The following NBPF9 variants were observed in gnomAD, a reference collection of about 807,000 sequenced individuals.
NBPF9 encodes the protein NBPF family member NBPF9.
Under a neutral mutation model 97.8 loss-of-function variants are expected in NBPF9, and 91 were observed. The observed-to-expected ratio is 0.93, with a 90% CI of 0.79 to 1.11. The LOEUF (loss-of-function observed/expected upper bound fraction) is 1.11, where lower values mean the gene tolerates loss of function less well. Ranked by LOEUF, NBPF9 falls within the 50% of genes least tolerant of loss-of-function variation. The pLI is 0.00. For missense variants in NBPF9, 992 were observed against 939.5 expected (o/e 1.06, Z -0.73); for synonymous variants, 334 against 359.5 (o/e 0.93, Z 0.80).
intron 16 of NBPF9, 140 bp downstream of exon 16, chr1:149,070,794 G>T: frequency 6.8e-7 from 1 of 1,481,226 alleles, no homozygotes; most frequent in South Asian, 1.2e-5. Flanking sequence ...AGCTGAGAAG[G>T]ACAAAAAACT....
exon 4 of NBPF9, chr1:149,098,623 G>C (rs1325070838): frequency 9.0e-6 from 11 of 1,219,128 alleles, no homozygotes; most frequent in Non-Finnish European, 1.1e-5. Context: ...ACACCCTCAG[G>C]AGGACGGTAA....
chr1:149,076,702 G>T (rs587619301), intron 11 of NBPF9, among the ~76,000 whole-genome samples: 30 of 148,186 alleles, frequency 2.0e-4, no homozygotes, highest in African/African-American at 7.1e-4. Context: ...TAAAGACGGG[G>T]TTTCACCGTG....
intron 6 of NBPF9, 26 bp from the exon 7 acceptor site, chr1:149,082,200 G>A: frequency 6.3e-7 from 1 of 1,597,504 alleles, no homozygotes. Flanking sequence ...CCAAACATAT[G>A]ATGGGTTAAA....
chr1:149,064,022 A>ACACACG (rs1385372055), intron 19 of NBPF9, among the ~76,000 whole-genome samples: 1 of 119,356 alleles, frequency 8.4e-6, no homozygotes, highest in Non-Finnish European at 1.8e-5. Flanking sequence ...ACACAGACAC[A>ACACACG]CACACACACA....
chr1:149,070,923 A>G lies in NBPF9; in HGVS notation c.1585+11T>C. 6.2e-7 allele frequency: 1 copy of G among 1,612,170 alleles called. No homozygotes were observed. The highest frequency in any genetic ancestry group is 8.5e-7 in the Non-Finnish European group (1 of 1,179,800). On this transcript the variant is annotated intron_variant, in intron 16 of 29. Coordinates refer to ENST00000584027, the Ensembl canonical transcript of NBPF9. Reference sequence around the variant, plus strand: ...GAGAGAGGTATGAGACACAAGGAAAACAGAGGCTACCTGGAATAATGTGTA... The same window carrying G: ...GAGAGAGGTATGAGACACAAGGAAAGCAGAGGCTACCTGGAATAATGTGTA...
exon 14 of NBPF9, chr1:149,072,791 C>A: frequency 6.3e-7 from 1 of 1,582,708 alleles, no homozygotes; most frequent in South Asian, 1.1e-5. Flanking sequence ...GGTCCTGCCC[C>A]TGGGACTTGT....
intron 15 of NBPF9, 133 bp downstream of exon 15, chr1:149,071,471 T>C (rs2079405056): frequency 4.1e-6 from 5 of 1,209,176 alleles, no homozygotes; most frequent in Non-Finnish European, 6.0e-6. Flanking sequence ...GTGTCTAAGC[T>C]GGGTTCAATT....
chr1:149,087,639 G>C (rs372376732), intron 5 of NBPF9, among the ~76,000 whole-genome samples: 2 of 150,256 alleles, frequency 1.3e-5, no homozygotes, highest in Admixed American at 6.6e-5. Flanking sequence ...CAAAATGCCG[G>C]TTGGAATTTT....
intron 11 of NBPF9, among the ~76,000 whole-genome samples, chr1:149,076,552 G>C (rs1404666446): frequency 2.7e-5 from 4 of 149,224 alleles, no homozygotes; most frequent in Non-Finnish European, 6.0e-5. Context: ...TCCCAGGCTG[G>C]AGTGCAGTGG....
In NBPF9 at chr1:149,064,287, G is replaced by A. The variant is rs587654411; in HGVS notation, c.1853+144C>T. The A allele has an allele frequency of 8.7e-4, 636 of 728,864 alleles. 2 individuals are homozygous for A. The highest frequency in any genetic ancestry group is 5.1e-3 in the Middle Eastern group (13 of 2,540). 45.1% of individuals were successfully genotyped at this position (728,864 alleles called of 1,614,324 possible). On this transcript the variant is annotated intron_variant, in intron 19 of 29. Coordinates refer to ENST00000584027, the Ensembl canonical transcript of NBPF9. ...TGGAAACCTAAACATTTACTCTAAT[G>A]AGAACCAAAAAGCAATGTAGTAGGC... is the stretch of plus-strand genomic sequence containing the variant.
In NBPF9 at chr1:149,056,358, C is replaced by T. The variant is rs1216669522; in HGVS notation, c.3092+154G>A. ...GATAAGGGGAGGAAGAAATGGAAACCTAAACATCTACTGCAATGAAAACCA... is the reference window on the plus strand; with the variant it reads ...GATAAGGGGAGGAAGAAATGGAAACTTAAACATCTACTGCAATGAAAACCA... On this transcript the variant is annotated intron_variant, in intron 29 of 29. Coordinates refer to ENST00000584027, the Ensembl canonical transcript of NBPF9. 2.6e-4 allele frequency among the ~76,000 whole-genome samples: 24 copies of T among 93,558 alleles called. No homozygotes were observed. The Admixed American group carries it at 2.9e-3, about 11-fold the overall frequency. 61.4% of individuals were successfully genotyped at this position (93,558 alleles called of 152,430 possible). A position where few individuals can be genotyped will look rare whatever the true frequency, so the allele number is the denominator to read the frequency against.
Position 149,082,343 on chromosome 1 carries a change from G to T in NBPF9, c.-107C>A. On this transcript the variant is annotated 5_prime_UTR_variant, in exon 6 of 30. Transcript: ENST00000584027. ...CTTCACCACAAAAACAAGGTTTGAGGTGCCTCAACTCAGAGCTGAAAGCAC... is the reference window on the plus strand; with the variant it reads ...CTTCACCACAAAAACAAGGTTTGAGTTGCCTCAACTCAGAGCTGAAAGCAC... 3.3e-6 allele frequency: 5 copies of T among 1,535,954 alleles called. No homozygotes were observed. The South Asian group carries it at 5.9e-5, about 18-fold the overall frequency.
chr1:149,079,573 C>T (rs1464968917), intron 8 of NBPF9, among the ~76,000 whole-genome samples: 1 of 148,090 alleles, frequency 6.8e-6, no homozygotes, highest in Admixed American at 6.9e-5. Flanking sequence ...CTTGCGGCCA[C>T]TAGATACAAA....
chr1:149,073,697 C>A (rs1198979645), intron 13 of NBPF9, 71 bp downstream of exon 13: 1 of 1,225,606 alleles, frequency 8.2e-7, no homozygotes, highest in Non-Finnish European at 1.2e-6. Context: ...TCTTACGTCT[C>A]CCCACCGAGC....
rs371571074 is a variant in NBPF9, at chr1:149,074,851, G to A, written c.988+804C>T. Among the ~76,000 whole-genome samples the A allele has an allele frequency of 2.7e-4, 40 of 150,838 alleles. 1 individual carries two copies. Among genetic ancestry groups the A allele is most frequent in the Middle Eastern group, 3.4e-3 (1 of 290 alleles). On this transcript the variant is annotated intron_variant, in intron 12 of 29. Transcript: ENST00000584027. ...TTATTTTTACCAGTCTTGCCCTGTC[G>A]CCCAGGCTGGAGTGCAATGGCAAAA...
At chr1:149,099,397 G>C (rs480742) in intron 3 of NBPF9, among the ~76,000 whole-genome samples, 9 of 151,898 alleles carry the variant, frequency 5.9e-5, no homozygotes, top group Admixed American at 2.0e-4. Context: ...TTATTTGTTA[G>C]ATGGTGAAAA....
At chr1:149,071,871 G>T (rs1365559648) in intron 14 of NBPF9, among the ~76,000 whole-genome samples, 195 bp from the exon 15 acceptor site, 2 of 151,666 alleles carry the variant, frequency 1.3e-5, no homozygotes, top group East Asian at 3.9e-4. Context: ...GATCTGGAGG[G>T]CCACCATCAA....
At position 149,081,013 on chromosome 1, in the gene NBPF9, C is replaced by A. The variant is rs1429453597; in HGVS notation, c.176-858G>T. On this transcript the variant is annotated intron_variant, in intron 7 of 29. Transcript: ENST00000584027. ...CTGCACTGCTGCTTCCACACATTCT[C>A]GGGTGTGATCTTTCTTCCTCTTTAG... Among the ~76,000 whole-genome samples the A allele has an allele frequency of 2.6e-5, 4 of 151,916 alleles. No individual in the cohort carries two copies. In the East Asian group the frequency reaches 7.8e-4, roughly 29 times the overall value.
At chr1:149,070,775 C>T (rs1194526868) in intron 16 of NBPF9, among the ~76,000 whole-genome samples, 159 bp downstream of exon 16, 1 of 152,098 alleles carries the variant, frequency 6.6e-6, no homozygotes, top group Non-Finnish European at 1.5e-5. Flanking sequence ...CAGACAAAGG[C>T]ATGACATTAG....
Sources: gnomAD v4.1 joint callset for allele counts (sites outside exome capture counted in the v4.1 genomes callset) on GRCh38, gnomAD v4.1.1 for gene constraint, MANE v1.5 for transcripts, NCBI Gene and HGNC (gene_info 2026-07-23, HGNC 2026-07-21) for gene names.